Variants in STX12 observed in about 807,000 individuals in gnomAD.
The protein encoded by STX12 is syntaxin-12.
In STX12, 17 loss-of-function variants were observed where a neutral mutation model predicts 42.2. The observed-to-expected ratio is 0.40, with a 90% CI of 0.28 to 0.60. The LOEUF is 0.60. Among genes scored for constraint, STX12 ranks in the 20% least tolerant of loss-of-function variants. The pLI, the probability that STX12 is intolerant of heterozygous loss-of-function variation, is 0.39. For synonymous variants in STX12, 108 were observed against 116.7 expected (o/e 0.93, Z 0.48); for missense variants, 297 against 330.9 (o/e 0.90, Z 0.79).
At chr1:27,779,496 C>A (rs923266302) in intron 1 of STX12, among the ~76,000 whole-genome samples, 4 of 151,730 alleles carry the variant, frequency 2.6e-5, no homozygotes, top group Non-Finnish European at 5.9e-5. Context: ...CCACGCCCAG[C>A]TAATTTTTGT....
intron 3 of STX12, among the ~76,000 whole-genome samples, chr1:27,800,247 A>G (rs1248133768): frequency 6.6e-6 from 1 of 152,116 alleles, no homozygotes; most frequent in Non-Finnish European, 1.5e-5. Context: ...CTTTCTGCTT[A>G]TTCATGCCTT....
chr1:27,792,194 GTATA>G (rs1211555183), intron 2 of STX12, among the ~76,000 whole-genome samples: 2 of 95,080 alleles, frequency 2.1e-5, no homozygotes, highest in East Asian at 2.4e-4. Context: ...ATCTATATAT[GTATA>G]TACATATATA....
chr1:27,778,421 T>C (rs1415760765), intron 1 of STX12, among the ~76,000 whole-genome samples: 2 of 152,032 alleles, frequency 1.3e-5, no homozygotes, highest in Non-Finnish European at 2.9e-5. Context: ...CTGGGCGAGG[T>C]GTCTCACGCC....
At position 27,817,893 on chromosome 1, in the gene STX12, A is replaced by G. The variant is rs1372725876; in HGVS notation, c.619A>G (p.Met207Val). ...DVNQIFKDLA[M>V]MIHDQGDLID... Reference sequence around the variant, plus strand: ...CAATCAGATATTTAAAGATTTGGCCATGATGATCCATGACCAGGGTGATCT... The same window carrying G: ...CAATCAGATATTTAAAGATTTGGCCGTGATGATCCATGACCAGGGTGATCT... Residue 207 changes from methionine (M) to valine (V), a missense_variant, in exon 7 of 9, where the codon ATG becomes GTG. Physicochemically the swap from Met to Val is conservative, Grantham distance 21. Transcript: ENST00000373943. 18 of 1,613,976 alleles carry G rather than the reference A, an allele frequency of 1.1e-5. No homozygotes were observed. The highest frequency in any genetic ancestry group is 1.5e-5 in the Non-Finnish European group (18 of 1,180,008).
intron 3 of STX12, among the ~76,000 whole-genome samples, chr1:27,797,727 T>C (rs1003976024): frequency 1.3e-5 from 2 of 152,106 alleles, no homozygotes; most frequent in African/African-American, 4.8e-5. Flanking sequence ...ATATAAAACT[T>C]GTCTTATACT....
intron 2 of STX12, among the ~76,000 whole-genome samples, chr1:27,789,896 ATTCG>A (rs1322430220): frequency 6.6e-6 from 1 of 152,212 alleles, no homozygotes; most frequent in Non-Finnish European, 1.5e-5. Flanking sequence ...AGAAAAGGGA[ATTCG>A]TACCACTATT....
intron 4 of STX12, among the ~76,000 whole-genome samples, chr1:27,806,858 AAG>A (rs1232894477): frequency 1.3e-5 from 2 of 152,158 alleles, no homozygotes; most frequent in Non-Finnish European, 2.9e-5. Flanking sequence ...GAGAAAGAGA[AAG>A]AGAGTGCAGG....
chr1:27,822,021 A>G (rs76417902), intron 8 of STX12, among the ~76,000 whole-genome samples: 2 of 146,446 alleles, frequency 1.4e-5, no homozygotes, highest in African/African-American at 5.1e-5. Flanking sequence ...CTGTCTCAAG[A>G]AAAAAAAAAA....
chr1:27,821,504 C>T (rs151267765), intron 8 of STX12, among the ~76,000 whole-genome samples: 185 of 150,782 alleles, frequency 1.2e-3, no homozygotes, highest in African/African-American at 4.3e-3. Flanking sequence ...GAAAGAAATA[C>T]AAAAATGTTG....
chr1:27,792,121 T>C (rs998733572), intron 2 of STX12, among the ~76,000 whole-genome samples: 8 of 137,686 alleles, frequency 5.8e-5, no homozygotes, highest in African/African-American at 1.7e-4. Context: ...AAATATATAA[T>C]ATATATCTAT....
At chr1:27,775,963 C>T (rs1336995273) in intron 1 of STX12, among the ~76,000 whole-genome samples, 2 of 151,942 alleles carry the variant, frequency 1.3e-5, no homozygotes, top group East Asian at 1.9e-4. Context: ...GTGGCCCAAA[C>T]ATGAAGGATG....
At chr1:27,812,837 C>G (rs2088913409) in intron 6 of STX12, among the ~76,000 whole-genome samples, 1 of 152,158 alleles carries the variant, frequency 6.6e-6, no homozygotes, top group African/African-American at 2.4e-5. Flanking sequence ...CATCTTATTT[C>G]TCCTGGAGAA....
chr1:27,780,264 C>G (rs1378629025), intron 1 of STX12, among the ~76,000 whole-genome samples: 1 of 139,324 alleles, frequency 7.2e-6, no homozygotes, highest in East Asian at 2.1e-4. Flanking sequence ...GGCTGGAGTG[C>G]AGTGGGGCGA....
chr1:27,804,709 G>A (rs947674865), intron 4 of STX12, among the ~76,000 whole-genome samples: 4 of 151,638 alleles, frequency 2.6e-5, no homozygotes, highest in African/African-American at 7.3e-5. Flanking sequence ...TACTCAGGAC[G>A]CTGAGGCAGG....
intron 5 of STX12, among the ~76,000 whole-genome samples, chr1:27,811,562 C>T (rs2088903945): frequency 1.3e-5 from 2 of 151,888 alleles, no homozygotes; most frequent in Admixed American, 1.3e-4. Context: ...GTCTTGAACT[C>T]CTGGCCTCAA....
At chr1:27,820,616 C>T (rs571626989) in intron 8 of STX12, among the ~76,000 whole-genome samples, 5 of 152,230 alleles carry the variant, frequency 3.3e-5, no homozygotes, top group South Asian at 4.1e-4. Flanking sequence ...ATCAGTGTGG[C>T]GATTCCTCAG....
chr1:27,816,951 G>A (rs1417857240), intron 6 of STX12, among the ~76,000 whole-genome samples: 1 of 143,698 alleles, frequency 7.0e-6, no homozygotes, highest in Non-Finnish European at 1.5e-5. Context: ...GAAAGAGAGA[G>A]GAGAAAGAAG....
intron 1 of STX12, among the ~76,000 whole-genome samples, chr1:27,774,700 G>C (rs1477753500): frequency 6.6e-6 from 1 of 151,858 alleles, no homozygotes; most frequent in Non-Finnish European, 1.5e-5. Flanking sequence ...ATTTTTTCGA[G>C]ACAGAGTCTA....
intron 8 of STX12, among the ~76,000 whole-genome samples, chr1:27,820,646 C>A (rs1037929514): frequency 2.6e-5 from 4 of 152,088 alleles, no homozygotes; most frequent in Non-Finnish European, 5.9e-5. Flanking sequence ...ACTAGAAATA[C>A]CATTTGACCC....
Sources: gnomAD v4.1 joint callset for allele counts (sites outside exome capture counted in the v4.1 genomes callset) on GRCh38, gnomAD v4.1.1 for gene constraint, MANE v1.5 for transcripts, NCBI Gene and HGNC (gene_info 2026-07-23, HGNC 2026-07-21) for gene names.